GABRG1: variants seen among roughly 807,000 people sequenced by gnomAD.
GABRG1 encodes gamma-aminobutyric acid type A receptor subunit gamma1, also known as gamma-aminobutyric acid receptor subunit gamma-1.
A neutral mutation model predicts 49.8 loss-of-function variants in GABRG1; 49 were observed. The ratio of observed to expected loss-of-function variants is 0.98; its 90% CI spans 0.78 to 1.25. The LOEUF is 1.25. GABRG1 is among the 50% of genes most tolerant of loss of function. The pLI is 0.00. For missense variants in GABRG1, 552 were observed against 552.3 expected, an observed-to-expected ratio of 1.00 and a Z score of 0.01; for synonymous variants, 232 against 185.1, an observed-to-expected ratio of 1.25 and a Z score of -2.06.
chr4:46,093,770 G>A (rs540266844), intron 2 of GABRG1, among the ~76,000 whole-genome samples: 23 of 151,888 alleles, frequency 1.5e-4, no homozygotes, highest in African/African-American at 5.5e-4. Flanking sequence ...TAAAAAAGGA[G>A]ACAAAACAAT....
intron 2 of GABRG1, among the ~76,000 whole-genome samples, chr4:46,093,209 CAGA>C (rs1720054501): frequency 6.6e-6 from 1 of 151,512 alleles, no homozygotes; most frequent in African/African-American, 2.4e-5. Context: ...TGCTATTCAA[CAGA>C]AGGTGTAACC....
chr4:46,101,376 G>T (rs895030423), intron 1 of GABRG1, among the ~76,000 whole-genome samples: 12 of 151,148 alleles, frequency 7.9e-5, no homozygotes, highest in South Asian at 2.1e-4. Context: ...TCACAAGACC[G>T]CAACAAAACC....
intron 2 of GABRG1, among the ~76,000 whole-genome samples, chr4:46,087,457 T>C (rs1446737444): frequency 6.6e-6 from 1 of 151,660 alleles, no homozygotes; most frequent in Non-Finnish European, 1.5e-5. Flanking sequence ...AAGATATCTT[T>C]AAAAATCCCT....
intron 3 of GABRG1, among the ~76,000 whole-genome samples, chr4:46,082,945 A>G (rs1420162056): frequency 6.6e-6 from 1 of 151,656 alleles, no homozygotes; most frequent in Non-Finnish European, 1.5e-5. Context: ...GAGCTTTATT[A>G]TATACTGCTT....
chr4:46,059,830 A>G (rs1718605097), intron 5 of GABRG1, among the ~76,000 whole-genome samples: 1 of 152,056 alleles, frequency 6.6e-6, no homozygotes, highest in Admixed American at 6.5e-5. Context: ...ATTTTATTTC[A>G]CATTCTCCTG....
chr4:46,046,675 C>T (rs374673639), intron 8 of GABRG1, among the ~76,000 whole-genome samples: 3 of 151,990 alleles, frequency 2.0e-5, no homozygotes, highest in Admixed American at 6.6e-5. Context: ...TGGGGTGAGG[C>T]GGTGCCAGGG....
At chr4:46,085,720 A>G (rs1056914868) in intron 2 of GABRG1, among the ~76,000 whole-genome samples, 2 of 151,474 alleles carry the variant, frequency 1.3e-5, no homozygotes, top group Non-Finnish European at 3.0e-5. Flanking sequence ...CTTAATAATG[A>G]CTCATTGTTG....
At position 46,064,507 on chromosome 4, in the gene GABRG1, C is replaced by A; in HGVS notation, c.559G>T (p.Glu187Ter). 6.6e-7 allele frequency: 1 copy of A among 1,520,094 alleles called. No homozygotes were observed. The highest frequency in any genetic ancestry group is 8.9e-7 in the Non-Finnish European group (1 of 1,128,906). The allele number at this position is 1,520,094 out of a possible 1,614,324, so 94.2% of individuals were successfully genotyped here. ...LYTLRLTINAECYLQLHNFPM... is the reference protein window; with the variant it reads ...LYTLRLTINA ...AAGTTATGAAGCTGAAGATAACATTCTGCATTAATTGTCAATCTATTTAGA... is the reference window on the plus strand; with the variant it reads ...AAGTTATGAAGCTGAAGATAACATTATGCATTAATTGTCAATCTATTTAGA... Residue 187 changes from glutamate (E) to a stop codon, truncating the protein, a stop_gained, in exon 5 of 9, where the codon GAA becomes TAA. Transcript: ENST00000295452. LOFTEE classifies it high-confidence loss of function.
In GABRG1 at chr4:46,090,955, T is replaced by TACAC. The variant is rs61288916; in HGVS notation, c.253+6242_253+6245dup. The stretch of plus-strand genomic sequence containing the variant: ...GAATACACACACACACACACACACA[T>TACAC]ACACACACACACACACACACACACA... On this transcript the variant is annotated intron_variant, in intron 2 of 8. Transcript: ENST00000295452. 4.0e-3 allele frequency among the ~76,000 whole-genome samples: 528 copies of TACAC among 131,156 alleles called. 3 individuals carry two copies. The highest frequency in any genetic ancestry group is 5.0e-3 in the South Asian group (19 of 3,776). The allele number at this position is 131,156 out of a possible 152,430, so 86.0% of individuals were successfully genotyped here. A position where few individuals can be genotyped will look rare whatever the true frequency, so the allele number is the denominator to read the frequency against.
At chr4:46,095,272 T>A (rs1720129578) in intron 2 of GABRG1, among the ~76,000 whole-genome samples, 1 of 151,732 alleles carries the variant, frequency 6.6e-6, no homozygotes, top group African/African-American at 2.4e-5. Flanking sequence ...AAAGTGTGAC[T>A]AACATACCTA....
chr4:46,069,989 G>C (rs1271144735), intron 3 of GABRG1, among the ~76,000 whole-genome samples: 1 of 151,780 alleles, frequency 6.6e-6, no homozygotes, highest in Non-Finnish European at 1.5e-5. Flanking sequence ...GGAAGGGAGA[G>C]GACAAAGAGG....
chr4:46,046,239 T>A (rs1008865384), intron 8 of GABRG1, among the ~76,000 whole-genome samples: 1 of 152,114 alleles, frequency 6.6e-6, no homozygotes, highest in East Asian at 1.9e-4. Flanking sequence ...CCCTTTCTGC[T>A]GTGATAGTCT....
rs1251759574 is a variant in GABRG1, at chr4:46,056,168, A to T, written c.916+2049T>A. 5.6e-4 allele frequency among the ~76,000 whole-genome samples: 20 copies of T among 35,712 alleles called. 5 individuals are homozygous for T. Among genetic ancestry groups the T allele is most frequent in the African/African-American group, 3.5e-3 (19 of 5,394 alleles). 23.4% of individuals were successfully genotyped at this position (35,712 alleles called of 152,430 possible). ...AAATAAATTAAAAAAAAAAAAAAAAAAAAAAAAAAAAATAGTCTCCCATCA... is the reference window on the plus strand; with the variant it reads ...AAATAAATTAAAAAAAAAAAAAAAATAAAAAAAAAAAATAGTCTCCCATCA... On this transcript the variant is annotated intron_variant, in intron 7 of 8. Transcript: ENST00000295452.
chr4:46,117,550 G>GTCTCTCTCTCTC (rs373546541), intron 1 of GABRG1, among the ~76,000 whole-genome samples: 5 of 116,682 alleles, frequency 4.3e-5, no homozygotes, highest in African/African-American at 1.5e-4. Flanking sequence ...TGTTATCTCT[G>GTCTCTCTCTCTC]TCTCTCTCTC....
In GABRG1 at chr4:46,050,470, A is replaced by G. The variant is rs554080143; in HGVS notation, c.1131+954T>C. 1.1e-4 allele frequency among the ~76,000 whole-genome samples: 17 copies of G among 152,048 alleles called. No individual in the cohort carries two copies. The South Asian group carries it at 3.3e-3, about 30-fold the overall frequency. ...AGATAATATGGAAAACTCATTATATATACATTAAGGTAGGCTTACAAGCTT... is the reference window on the plus strand; with the variant it reads ...AGATAATATGGAAAACTCATTATATGTACATTAAGGTAGGCTTACAAGCTT... On this transcript the variant is annotated intron_variant, in intron 8 of 8. Coordinates refer to ENST00000295452, the MANE Select transcript of GABRG1 (RefSeq NM_173536.4).
chr4:46,058,944 T>G (rs1165891352), intron 5 of GABRG1, among the ~76,000 whole-genome samples: 7 of 152,134 alleles, frequency 4.6e-5, no homozygotes, highest in African/African-American at 1.4e-4. Context: ...GATGATCTTT[T>G]CTTTTTAATA....
chr4:46,123,067 TTCTCTC>T (rs139347395), intron 1 of GABRG1, among the ~76,000 whole-genome samples: 20 of 143,962 alleles, frequency 1.4e-4, no homozygotes, highest in Admixed American at 1.1e-3. Flanking sequence ...GGTGACACTT[TTCTCTC>T]TCTCTCTCTC....
At position 46,035,815 on chromosome 4, in the gene GABRG1, T is replaced by A. The variant is rs2109386094; in HGVS notation, c.*5173A>T. On this transcript the variant is annotated 3_prime_UTR_variant, in exon 9 of 9. Coordinates refer to ENST00000295452, the MANE Select transcript of GABRG1 (RefSeq NM_173536.4). Reference sequence around the variant, plus strand: ...ATTTATAACAAGTTACTGGTATTTTTTTTGTTCTAAGGATCATGAGAGTAA... The same window carrying A: ...ATTTATAACAAGTTACTGGTATTTTATTTGTTCTAAGGATCATGAGAGTAA... The A allele has an allele frequency of 6.6e-6, 1 of 152,108 alleles. No individual in the cohort carries two copies. The highest frequency in any genetic ancestry group is 1.5e-5 in the Non-Finnish European group (1 of 67,888). 9.4% of individuals were successfully genotyped at this position (152,108 alleles called of 1,614,324 possible). A position where few individuals can be genotyped will look rare whatever the true frequency, so the allele number is the denominator to read the frequency against.
intron 1 of GABRG1, among the ~76,000 whole-genome samples, chr4:46,117,743 CAT>C (rs1720956136): frequency 1.4e-5 from 2 of 141,522 alleles, no homozygotes; most frequent in South Asian, 4.3e-4. Flanking sequence ...TACATATACA[CAT>C]ATACATACAT....
Sources: gnomAD v4.1 joint callset for allele counts (sites outside exome capture counted in the v4.1 genomes callset) on GRCh38, gnomAD v4.1.1 for gene constraint, MANE v1.5 for transcripts, NCBI Gene and HGNC (gene_info 2026-07-23, HGNC 2026-07-21) for gene names.